Variants in ENTREP2 observed in about 807,000 individuals in gnomAD.
ENTREP2 encodes the protein endosomal transmembrane epsin interactor 2.
chr15:29,470,979 C>T, the ENTREP2 span, among the ~76,000 whole-genome samples: 5 of 152,190 alleles, frequency 3.3e-5, no homozygotes, highest in East Asian at 1.9e-4. Context: ...GGCTATGGCT[C>T]GAAGTGACTC....
chr15:29,453,875 T>C, the ENTREP2 span, among the ~76,000 whole-genome samples: 44 of 152,222 alleles, frequency 2.9e-4, no homozygotes, highest in Admixed American at 1.7e-3. Flanking sequence ...TGACATAGTA[T>C]AACCACCCTG....
At chr15:29,328,668 C>A in the ENTREP2 span, among the ~76,000 whole-genome samples, 1 of 152,108 alleles carries the variant, frequency 6.6e-6, no homozygotes, top group African/African-American at 2.4e-5. Context: ...CCACTACTCA[C>A]GTATTTTGAA....
At chr15:29,592,048 T>C in the ENTREP2 span, among the ~76,000 whole-genome samples, 1 of 152,194 alleles carries the variant, frequency 6.6e-6, no homozygotes, top group East Asian at 1.9e-4. Context: ...CACCTTGATC[T>C]TGGACTTCTA....
At chr15:29,208,172 C>T in the ENTREP2 span, among the ~76,000 whole-genome samples, 10 of 131,490 alleles carry the variant, frequency 7.6e-5, no homozygotes, top group African/African-American at 2.5e-4. Context: ...CACCCTGAGT[C>T]CAGATAACAG....
the ENTREP2 span, among the ~76,000 whole-genome samples, chr15:29,179,313 T>C: frequency 1.3e-5 from 2 of 152,250 alleles, no homozygotes; most frequent in Non-Finnish European, 2.9e-5. Context: ...CATGTGCAAA[T>C]GCACAATGCA....
the ENTREP2 span, among the ~76,000 whole-genome samples, chr15:29,545,691 G>A: frequency 6.6e-6 from 1 of 152,186 alleles, no homozygotes; most frequent in African/African-American, 2.4e-5. Context: ...TACAATAGCT[G>A]CTGAAGGCCA....
At chr15:29,236,675 T>C in the ENTREP2 span, among the ~76,000 whole-genome samples, 5 of 152,000 alleles carry the variant, frequency 3.3e-5, no homozygotes, top group African/African-American at 1.2e-4. Context: ...AAAAGAGAAA[T>C]TGAATTCATA....
At chr15:29,594,124 TTTC>T in the ENTREP2 span, among the ~76,000 whole-genome samples, 1 of 152,098 alleles carries the variant, frequency 6.6e-6, no homozygotes, top group African/African-American at 2.4e-5. Context: ...GAAATAAAAA[TTTC>T]TTCCTGACCT....
the ENTREP2 span, chr15:29,269,785 G>C: frequency 7.6e-7 from 1 of 1,321,172 alleles, no homozygotes; most frequent in Non-Finnish European, 9.8e-7. Flanking sequence ...ACCCGCTAAC[G>C]CCGGTGCCTG....
At chr15:29,328,579 C>T in the ENTREP2 span, among the ~76,000 whole-genome samples, 1 of 152,104 alleles carries the variant, frequency 6.6e-6, no homozygotes, top group Admixed American at 6.5e-5. Context: ...ATACTAAAGG[C>T]CAAAGAAGCT....
chr15:29,356,284 ATATATATATATATTTTTTTTT>A, the ENTREP2 span, among the ~76,000 whole-genome samples: 2 of 50,306 alleles, frequency 4.0e-5, no homozygotes, highest in African/African-American at 1.0e-4. Flanking sequence ...ATATATATAT[ATATATATATATATTTTTTTTT>A]TTTTTTTTTT....
the ENTREP2 span, among the ~76,000 whole-genome samples, chr15:29,368,224 CT>C: frequency 1.3e-5 from 2 of 151,696 alleles, no homozygotes; most frequent in African/African-American, 2.4e-5. Flanking sequence ...ACTCAGGAGG[CT>C]GAGGCACGAG....
At chr15:29,352,701 G>A in the ENTREP2 span, among the ~76,000 whole-genome samples, 18 of 152,054 alleles carry the variant, frequency 1.2e-4, no homozygotes, top group Non-Finnish European at 2.2e-4. Flanking sequence ...CTGACATACC[G>A]CCGCCTGTCA....
chr15:29,222,161 T>C, the ENTREP2 span, among the ~76,000 whole-genome samples: 1 of 152,148 alleles, frequency 6.6e-6, no homozygotes, highest in Non-Finnish European at 1.5e-5. Context: ...ATAAAACAGT[T>C]TGCAGTAAAG....
the ENTREP2 span, among the ~76,000 whole-genome samples, chr15:29,504,953 T>A: frequency 6.6e-6 from 1 of 152,238 alleles, no homozygotes; most frequent in Non-Finnish European, 1.5e-5. Context: ...TCTTCTGAAG[T>A]TGTGCAAAGA....
At chr15:29,587,188 TG>T in the ENTREP2 span, among the ~76,000 whole-genome samples, 1 of 143,684 alleles carries the variant, frequency 7.0e-6, no homozygotes, top group Admixed American at 7.1e-5. Context: ...TGTGTGTGTG[TG>T]TTTCGTAGCT....
At chr15:29,450,929 C>T in the ENTREP2 span, among the ~76,000 whole-genome samples, 2 of 151,440 alleles carry the variant, frequency 1.3e-5, no homozygotes, top group African/African-American at 4.9e-5. Context: ...AAGAGGGGAA[C>T]AACAGACTCT....
the ENTREP2 span, among the ~76,000 whole-genome samples, chr15:29,216,037 A>G: frequency 6.6e-6 from 1 of 152,070 alleles, no homozygotes; most frequent in South Asian, 2.1e-4. Context: ...TTGCTTTTTA[A>G]CTTGTATTTT....
At chr15:29,358,003 C>T in the ENTREP2 span, among the ~76,000 whole-genome samples, 2 of 152,010 alleles carry the variant, frequency 1.3e-5, no homozygotes, top group African/African-American at 4.8e-5. Context: ...TACATGAGTA[C>T]AGTTGCTTTG....
Sources: gnomAD v4.1 joint callset for allele counts (sites outside exome capture counted in the v4.1 genomes callset) on GRCh38, gnomAD v4.1.1 for gene constraint, MANE v1.5 for transcripts, NCBI Gene and HGNC (gene_info 2026-07-23, HGNC 2026-07-21) for gene names.